KCNQ5: variants seen among roughly 807,000 people sequenced by gnomAD.
KCNQ5 encodes the protein potassium voltage-gated channel subfamily Q member 5.
A neutral mutation model predicts 98.2 loss-of-function variants in KCNQ5; 30 were observed. That is an observed-to-expected ratio of 0.31 (90% confidence interval 0.23 to 0.41). The LOEUF is 0.41. Ranked by LOEUF, KCNQ5 falls within the 10% of genes least tolerant of loss-of-function variation. The pLI is 1.00. For missense variants in KCNQ5, 835 were observed against 1,182.5 expected, an observed-to-expected ratio of 0.71 and a Z score of 4.31; for synonymous variants, 458 against 449.4, an observed-to-expected ratio of 1.02 and a Z score of -0.24.
intron 2 of KCNQ5, among the ~76,000 whole-genome samples, chr6:73,014,241 A>C (rs913940703): frequency 5.0e-4 from 76 of 152,110 alleles, no homozygotes; most frequent in African/African-American, 1.8e-3. Flanking sequence ...GATTAATTTT[A>C]AAGTATTTAT....
intron 1 of KCNQ5, among the ~76,000 whole-genome samples, chr6:72,714,652 A>G (rs1561938211): frequency 6.6e-6 from 1 of 152,218 alleles, no homozygotes; most frequent in Admixed American, 6.5e-5. Flanking sequence ...TTTGATAGCT[A>G]AAGTGCTTTC....
At chr6:73,193,889 T>C (rs2150527014) in intron 13 of KCNQ5, among the ~76,000 whole-genome samples, 1 of 148,852 alleles carries the variant, frequency 6.7e-6, no homozygotes, top group South Asian at 2.1e-4. Context: ...CAGGCTGAAG[T>C]GCAGTGGCAC....
At chr6:72,668,858 T>G (rs1766956229) in intron 1 of KCNQ5, among the ~76,000 whole-genome samples, 1 of 151,918 alleles carries the variant, frequency 6.6e-6, no homozygotes, top group South Asian at 2.1e-4. Flanking sequence ...TCCAGCCTTC[T>G]TAGAAGGACA....
chr6:73,021,064 T>C (rs1770583832), intron 2 of KCNQ5, among the ~76,000 whole-genome samples: 1 of 152,172 alleles, frequency 6.6e-6, no homozygotes. Context: ...ACCATCTTGG[T>C]AATTCCTATC....
At chr6:72,670,628 G>T (rs1312642984) in intron 1 of KCNQ5, among the ~76,000 whole-genome samples, 1 of 152,154 alleles carries the variant, frequency 6.6e-6, no homozygotes, top group Non-Finnish European at 1.5e-5. Context: ...TCACAGTTCT[G>T]GATGCTAGAA....
chr6:73,070,288 A>G (rs907862469), intron 3 of KCNQ5, among the ~76,000 whole-genome samples: 1 of 152,238 alleles, frequency 6.6e-6, no homozygotes, highest in Non-Finnish European at 1.5e-5. Context: ...AGGCTTCTCA[A>G]TAAGTATATG....
chr6:72,958,106 G>T (rs1444739716), intron 1 of KCNQ5, among the ~76,000 whole-genome samples: 2 of 151,948 alleles, frequency 1.3e-5, no homozygotes, highest in African/African-American at 4.8e-5. Context: ...TGAATGAAAG[G>T]CATCCAAGCT....
chr6:73,133,031 G>A lies in KCNQ5; in HGVS notation c.1248-390G>A, dbSNP rs146164528. Among the ~76,000 whole-genome samples, 78 of 152,294 alleles carry A rather than the reference G, an allele frequency of 5.1e-4. No homozygotes were observed. The East Asian group carries it at 0.013, about 26-fold the overall frequency. ...TAGAAATGTCTAGAAATTACAAAGA[G>A]ATATGCTCCCAAACAAAAAATAATT... On this transcript the variant is annotated intron_variant, in intron 9 of 13. Transcript: ENST00000370398.
chr6:73,092,153 T>C (rs1318336018), intron 5 of KCNQ5, among the ~76,000 whole-genome samples: 4 of 151,984 alleles, frequency 2.6e-5, no homozygotes, highest in African/African-American at 4.8e-5. Flanking sequence ...GTAAAGGGGA[T>C]TGAGTTCTTG....
chr6:73,072,708 G>A (rs1262845153), intron 3 of KCNQ5, among the ~76,000 whole-genome samples: 1 of 152,138 alleles, frequency 6.6e-6, no homozygotes, highest in African/African-American at 2.4e-5. Context: ...CAAATTTCAA[G>A]AATTCATGTG....
At chr6:73,024,030 C>T (rs1770741376) in intron 2 of KCNQ5, among the ~76,000 whole-genome samples, 1 of 152,172 alleles carries the variant, frequency 6.6e-6, no homozygotes, top group African/African-American at 2.4e-5. Context: ...AGGATACTAG[C>T]ATCACTCCCA....
chr6:72,636,081 C>T (rs1185520684), intron 1 of KCNQ5, among the ~76,000 whole-genome samples: 1 of 151,792 alleles, frequency 6.6e-6, no homozygotes, highest in Non-Finnish European at 1.5e-5. Context: ...AAGTTTTTAC[C>T]TTCTGTTTTG....
At chr6:72,636,512 G>A (rs575741289) in intron 1 of KCNQ5, among the ~76,000 whole-genome samples, 3 of 152,236 alleles carry the variant, frequency 2.0e-5, no homozygotes, top group South Asian at 4.1e-4. Context: ...CAAGTTTAAG[G>A]CTTCTATTTC....
intron 11 of KCNQ5, among the ~76,000 whole-genome samples, chr6:73,185,882 G>A (rs1435969988): frequency 2.0e-5 from 3 of 152,170 alleles, no homozygotes; most frequent in Non-Finnish European, 2.9e-5. Context: ...TTCTTTTAAC[G>A]AAAGTATAAT....
chr6:73,116,509 A>T (rs1775502061), intron 7 of KCNQ5, among the ~76,000 whole-genome samples: 1 of 152,076 alleles, frequency 6.6e-6, no homozygotes. Context: ...CTACAAAAAA[A>T]TTTTAAAAAG....
intron 1 of KCNQ5, among the ~76,000 whole-genome samples, chr6:72,825,988 A>G (rs1245363209): frequency 6.6e-6 from 1 of 152,098 alleles, no homozygotes; most frequent in Non-Finnish European, 1.5e-5. Flanking sequence ...GTCAACCTTA[A>G]GCGTTGTGCC....
chr6:73,165,279 C>T (rs966210317), intron 10 of KCNQ5, among the ~76,000 whole-genome samples: 1 of 152,156 alleles, frequency 6.6e-6, no homozygotes, highest in Admixed American at 6.5e-5. Flanking sequence ...ACCACCATGC[C>T]CAGCTGTACT....
At chr6:72,642,314 CTTAT>C (rs138712417) in intron 1 of KCNQ5, among the ~76,000 whole-genome samples, 114 of 151,738 alleles carry the variant, frequency 7.5e-4, no homozygotes, top group African/African-American at 2.4e-3. Flanking sequence ...TTTTTAAATT[CTTAT>C]TTATTTATTT....
chr6:73,101,647 A>C (rs1040403800), intron 5 of KCNQ5, among the ~76,000 whole-genome samples: 7 of 152,158 alleles, frequency 4.6e-5, no homozygotes, highest in Admixed American at 6.5e-5. Flanking sequence ...AAATAATCCC[A>C]TTTACAATAG....
Sources: allele counts gnomAD v4.1 joint callset (sites outside exome capture counted in the v4.1 genomes callset), GRCh38; gene constraint gnomAD v4.1.1; transcripts MANE v1.5; gene names NCBI Gene and HGNC (gene_info 2026-07-23, HGNC 2026-07-21).